The following GMPS variants were observed in gnomAD, a reference collection of about 807,000 sequenced individuals.
The protein encoded by GMPS is GMP synthase [glutamine-hydrolyzing].
A neutral mutation model predicts 77.9 loss-of-function variants in GMPS; 15 were observed. That is an observed-to-expected ratio of 0.19 (90% CI 0.13 to 0.30). GMPS has a LOEUF of 0.30. GMPS is among the 10% of genes least tolerant of loss of function. The pLI is 1.00. For synonymous variants in GMPS, 224 were observed against 275.9 expected (o/e 0.81, Z 1.86); for missense variants, 590 against 838.8 (o/e 0.70, Z 3.66).
At chr3:155,918,044 A>T (rs1265625419) in intron 9 of GMPS, among the ~76,000 whole-genome samples, 1 of 152,176 alleles carries the variant, frequency 6.6e-6, no homozygotes, top group Non-Finnish European at 1.5e-5. Flanking sequence ...GTCCATAGCA[A>T]TTGCACCATT....
rs1356913335 is a variant in GMPS at position 155,938,930 on chromosome 3, TCTCTTAACAATTC to T, written c.*1240_*1252del. ...TTAGCTAAGAATGTTACCATATTTT[TCTCTTAACAATTC>T]CATCTCAGGTTGCTGCTGCTTGTCT... is the stretch of plus-strand genomic sequence containing the variant. On this transcript the variant is annotated 3_prime_UTR_variant, in exon 16 of 16. Transcript: ENST00000496455. The T allele has an allele frequency of 4.6e-6, 1 of 217,044 alleles. No individual in the cohort carries two copies. Among genetic ancestry groups the T allele is most frequent in the African/African-American group, 2.3e-5 (1 of 44,440 alleles). 13.4% of individuals were successfully genotyped at this position (217,044 alleles called of 1,614,324 possible). A position where few individuals can be genotyped will look rare whatever the true frequency, so the allele number is the denominator to read the frequency against.
intron 9 of GMPS, among the ~76,000 whole-genome samples, chr3:155,916,944 A>G (rs1755195307): frequency 6.6e-6 from 1 of 151,964 alleles, no homozygotes. Context: ...ATTGTAAAAA[A>G]CACATAACAT....
At chr3:155,934,747 A>G (rs902803808) in intron 13 of GMPS, among the ~76,000 whole-genome samples, 169 bp from the exon 14 acceptor site, 2 of 152,160 alleles carry the variant, frequency 1.3e-5, no homozygotes, top group Non-Finnish European at 1.5e-5. Context: ...CTATAATCTT[A>G]TATCTTGTCC....
intron 14 of GMPS, 114 bp downstream of exon 14, chr3:155,935,160 A>G: frequency 1.3e-6 from 1 of 752,758 alleles, no homozygotes. Flanking sequence ...TTTATTATTT[A>G]AATCTTTGAA....
chr3:155,937,067 C>T (rs907463242), intron 15 of GMPS, among the ~76,000 whole-genome samples: 10 of 152,134 alleles, frequency 6.6e-5, no homozygotes, highest in Non-Finnish European at 1.2e-4. Context: ...TGGGTTGGTT[C>T]GGAACGTGGC....
chr3:155,870,382 T>TCCCGGGGCGGGCCCCTCCTC (rs5853732), upstream of GMPS, among the ~76,000 whole-genome samples: 2 of 152,054 alleles, frequency 1.3e-5, no homozygotes, highest in Non-Finnish European at 2.9e-5. Context: ...AGGCCCCTCC[T>TCCCGGGGCGGGCCCCTCCTC]CCGGGGCGGG....
At chr3:155,914,953 G>C (rs553973201) in intron 8 of GMPS, among the ~76,000 whole-genome samples, 1 of 151,828 alleles carries the variant, frequency 6.6e-6, no homozygotes, top group African/African-American at 2.4e-5. Flanking sequence ...ACTTTTAGTA[G>C]AGACGGGGGT....
chr3:155,873,862 C>T (rs903170799), intron 1 of GMPS, among the ~76,000 whole-genome samples: 2 of 151,032 alleles, frequency 1.3e-5, no homozygotes, highest in African/African-American at 2.4e-5. Context: ...GTCTTGATCT[C>T]CTGGCCTCGT....
rs1234208170 is a variant in GMPS, at chr3:155,877,348, TA to T, written c.27+6458del. 2.6e-5 allele frequency among the ~76,000 whole-genome samples: 4 copies of T among 152,198 alleles called. No homozygotes were observed. In the South Asian group the frequency reaches 8.3e-4, roughly 32 times the overall value. On this transcript the variant is annotated intron_variant, in intron 1 of 15. Coordinates refer to ENST00000496455, the MANE Select transcript of GMPS (RefSeq NM_003875.3). ...TCTGGATTCTACCATTTACTTTTCCTAAAAAAATTTTTATAACAGCTTTATT... is the reference window on the plus strand; with the variant it reads ...TCTGGATTCTACCATTTACTTTTCCTAAAAAATTTTTATAACAGCTTTATT...
chr3:155,897,242 T>C (rs1219909060), intron 2 of GMPS, among the ~76,000 whole-genome samples: 8 of 151,252 alleles, frequency 5.3e-5, no homozygotes. Flanking sequence ...GAGAGGAACA[T>C]AGGCCTCAGT....
chr3:155,936,430 T>A lies in GMPS; in HGVS notation c.1900T>A (p.Ser634Thr). ...PLQKQPSCQR[S>T]VVIRTFITSD... is the part of the protein sequence containing the mutation. ...TCAAAAGCAGCCTTCATGCCAGAGATCTGTGGTTATTCGAACCTTTATTAC... is the reference window on the plus strand; with the variant it reads ...TCAAAAGCAGCCTTCATGCCAGAGAACTGTGGTTATTCGAACCTTTATTAC... The change falls in exon 15 of 16, where the codon TCT (serine) becomes ACT (threonine). Residue 634 changes from serine (S) to threonine (T), a missense_variant. This residue lies in a region of GMPS where 73 missense variants were observed against 170.5 expected (regional missense o/e 0.43). Coordinates refer to ENST00000496455, the MANE Select transcript of GMPS (RefSeq NM_003875.3). 1 of 1,607,280 alleles carries A rather than the reference T, an allele frequency of 6.2e-7. No homozygotes were observed. The highest frequency in any genetic ancestry group is 8.5e-7 in the Non-Finnish European group (1 of 1,173,880).
At chr3:155,878,698 G>T (rs1008907676) in intron 1 of GMPS, among the ~76,000 whole-genome samples, 2 of 152,186 alleles carry the variant, frequency 1.3e-5, no homozygotes, top group Non-Finnish European at 2.9e-5. Flanking sequence ...TATATATAGA[G>T]AGATATATGA....
chr3:155,932,030 A>G (rs1462856096), intron 13 of GMPS, 150 bp downstream of exon 13: 9 of 444,028 alleles, frequency 2.0e-5, no homozygotes, highest in African/African-American at 1.6e-4. Context: ...TAATTCAAAT[A>G]TGCACATAGG....
intron 14 of GMPS, 73 bp from the exon 15 acceptor site, chr3:155,936,265 G>A: frequency 1.1e-6 from 1 of 899,108 alleles, no homozygotes; most frequent in African/African-American, 1.6e-5. Context: ...TATTGCCTGG[G>A]AGGATTTAAT....
intron 1 of GMPS, among the ~76,000 whole-genome samples, chr3:155,889,276 C>T (rs1382408834): frequency 6.6e-6 from 1 of 152,140 alleles, no homozygotes; most frequent in Non-Finnish European, 1.5e-5. Flanking sequence ...TTTTGGTCAT[C>T]TCCCAGCAGT....
At chr3:155,898,130 T>C (rs997064564) in intron 3 of GMPS, 89 bp downstream of exon 3, 3 of 756,944 alleles carry the variant, frequency 4.0e-6, no homozygotes, top group African/African-American at 3.4e-5. Flanking sequence ...CTTTAGGATA[T>C]TTAGGATACT....
In GMPS at chr3:155,931,770, C is replaced by G; in HGVS notation, c.1566C>G (p.Asp522Glu). Residue 522 changes from aspartate (D) to glutamate (E), a missense_variant, in exon 13 of 16, where the codon GAC becomes GAG. By Grantham distance (45) the Asp-to-Glu change is conservative. This residue lies in a region of GMPS where 89 missense variants were observed against 95.9 expected (regional missense o/e 0.93). Transcript: ENST00000496455. ...LPIKTVGVQG[D>E]CRSYSYVCGI... Reference sequence around the variant, plus strand: ...GATTATCTTTTTATTTTCAGGGTGACTGTCGTTCCTACAGTTACGTGTGTG... The same window carrying G: ...GATTATCTTTTTATTTTCAGGGTGAGTGTCGTTCCTACAGTTACGTGTGTG... 7.3e-7 allele frequency: 1 copy of G among 1,371,494 alleles called. No homozygotes were observed. Among genetic ancestry groups the G allele is most frequent in the Non-Finnish European group, 1.0e-6 (1 of 964,866 alleles). The allele number at this position is 1,371,494 out of a possible 1,614,324, so 85.0% of individuals were successfully genotyped here.
intron 10 of GMPS, among the ~76,000 whole-genome samples, chr3:155,921,205 A>G (rs1200943469): frequency 6.6e-6 from 1 of 152,196 alleles, no homozygotes; most frequent in African/African-American, 2.4e-5. Context: ...GTGAGCTGAG[A>G]TCGTGCCACT....
chr3:155,911,711 C>T (rs979457840), intron 7 of GMPS, among the ~76,000 whole-genome samples: 28 of 151,538 alleles, frequency 1.8e-4, no homozygotes, highest in Admixed American at 1.1e-3. Flanking sequence ...TGGTGGTGGG[C>T]GCCTGTGATC....
Sources: gnomAD v4.1 joint callset for allele counts (sites outside exome capture counted in the v4.1 genomes callset) on GRCh38, gnomAD v4.1.1 for gene constraint, gnomAD v4.1.1 regional missense constraint, MANE v1.5 for transcripts, NCBI Gene and HGNC (gene_info 2026-07-23, HGNC 2026-07-21) for gene names.